The following TSC22D2 variants were observed in gnomAD, a reference collection of about 807,000 sequenced individuals.
TSC22D2 encodes TSC22 domain family protein 2.
Under a neutral mutation model 50.1 loss-of-function variants are expected in TSC22D2, and 5 were observed. The ratio of observed to expected loss-of-function variants is 0.10; its 90% CI spans 0.05 to 0.21. The LOEUF (loss-of-function observed/expected upper bound fraction) is 0.21, where lower values mean the gene tolerates loss of function less well. Among genes scored for constraint, TSC22D2 ranks in the 10% least tolerant of loss-of-function variants. TSC22D2 has a pLI of 1.00. For synonymous variants in TSC22D2, 501 were observed against 450.1 expected, an observed-to-expected ratio of 1.11 and a Z score of -1.43; for missense variants, 1,003 against 1,015.5, an observed-to-expected ratio of 0.99 and a Z score of 0.17.
At chr3:150,442,788 T>C (rs781063402) in intron 1 of TSC22D2, among the ~76,000 whole-genome samples, 30 of 152,086 alleles carry the variant, frequency 2.0e-4, no homozygotes, top group Non-Finnish European at 4.0e-4. Context: ...ACCCTGTCTC[T>C]ACCTGCAAAA....
At chr3:150,426,776 A>G (rs912756684) in intron 1 of TSC22D2, among the ~76,000 whole-genome samples, 4 of 152,192 alleles carry the variant, frequency 2.6e-5, no homozygotes, top group Non-Finnish European at 5.9e-5. Flanking sequence ...ATGGGTTATT[A>G]ACTTAAAATG....
At position 150,409,190 on chromosome 3, in the gene TSC22D2, C is replaced by T. The variant is rs1442597691; in HGVS notation, c.-161C>T. On this transcript the variant is annotated 5_prime_UTR_variant, in exon 1 of 3. Coordinates refer to ENST00000688009, the MANE Select transcript of TSC22D2 (RefSeq NM_001303264.2). The surrounding 1 kb of genome is among the most constrained non-coding windows in gnomAD (Gnocchi z 7.4). ...ACGAGGAGGAGGATGTCTCACCGGG[C>T]GGCCAGCGCCTGGATCAGCCCGTGA... 3.0e-6 allele frequency: 2 copies of T among 661,286 alleles called. No homozygotes were observed. The highest frequency in any genetic ancestry group is 2.4e-6 in the Non-Finnish European group (1 of 412,192). 41.0% of individuals were successfully genotyped at this position (661,286 alleles called of 1,614,324 possible). A position where few individuals can be genotyped will look rare whatever the true frequency, so the allele number is the denominator to read the frequency against.
rs1293338225 is a variant in TSC22D2, at chr3:150,410,322, G to C, written c.972G>C (p.Leu324=). The change falls in exon 1 of 3, where the codon CTG becomes CTC. Residue 324 remains leucine, a synonymous_variant. Coordinates refer to ENST00000688009, the MANE Select transcript of TSC22D2 (RefSeq NM_001303264.2). ...PQGAGPGGQT[L]PPTNVTLAQP... ...GAGCGGGGCCCGGGGGACAGACTCT[G>C]CCGCCGACGAATGTAACCCTGGCGC... 12 of 1,577,888 alleles carry C rather than the reference G, an allele frequency of 7.6e-6. No individual in the cohort carries two copies. The highest frequency in any genetic ancestry group is 1.0e-5 in the Non-Finnish European group (12 of 1,161,064).
chr3:150,446,911 T>G (rs1316151204), intron 1 of TSC22D2, among the ~76,000 whole-genome samples: 1 of 152,216 alleles, frequency 6.6e-6, no homozygotes, highest in Non-Finnish European at 1.5e-5. Context: ...TTTTACTTTG[T>G]CAAATATATT....
In TSC22D2 at chr3:150,465,290, C is replaced by G. The variant is rs1433523204; in HGVS notation, c.*6654C>G. The G allele has an allele frequency of 6.6e-6, 1 of 152,052 alleles. No individual in the cohort carries two copies. Among genetic ancestry groups the G allele is most frequent in the African/African-American group, 2.4e-5 (1 of 41,402 alleles). 9.4% of individuals were successfully genotyped at this position (152,052 alleles called of 1,614,324 possible). ...CTGTCCATTTGAAAATGCACATAAG[C>G]AAAGAACTTTACAAATAGGTTATAA... is the stretch of plus-strand genomic sequence containing the variant. On this transcript the variant is annotated 3_prime_UTR_variant, in exon 3 of 3. Coordinates refer to ENST00000688009, the MANE Select transcript of TSC22D2 (RefSeq NM_001303264.2).
intron 1 of TSC22D2, among the ~76,000 whole-genome samples, chr3:150,454,751 A>G (rs1283865863): frequency 6.6e-5 from 10 of 152,212 alleles, no homozygotes; most frequent in Admixed American, 6.5e-4. Flanking sequence ...GATTTATTCT[A>G]TTAGAGTACA....
At chr3:150,422,823 A>G (rs1213926117) in intron 1 of TSC22D2, among the ~76,000 whole-genome samples, 1 of 152,128 alleles carries the variant, frequency 6.6e-6, no homozygotes, top group Non-Finnish European at 1.5e-5. Flanking sequence ...TTACCTCTTT[A>G]TTTTATAACT....
chr3:150,454,967 C>CAA (rs145632830), intron 1 of TSC22D2, among the ~76,000 whole-genome samples: 8 of 150,192 alleles, frequency 5.3e-5, no homozygotes, highest in African/African-American at 7.3e-5. Context: ...TTTTAATTAT[C>CAA]AAAAAAAAAC....
At chr3:150,432,221 C>G (rs528468160) in intron 1 of TSC22D2, among the ~76,000 whole-genome samples, 1 of 152,220 alleles carries the variant, frequency 6.6e-6, no homozygotes, top group African/African-American at 2.4e-5. Flanking sequence ...GCTCACCCAC[C>G]ATTATATATG....
At chr3:150,441,453 G>A (rs1209729324) in intron 1 of TSC22D2, among the ~76,000 whole-genome samples, 1 of 152,034 alleles carries the variant, frequency 6.6e-6, no homozygotes, top group Non-Finnish European at 1.5e-5. Flanking sequence ...TTTCCCTTCT[G>A]TCTGCTCTTT....
intron 1 of TSC22D2, among the ~76,000 whole-genome samples, chr3:150,421,206 ATTC>A (rs1719995545): frequency 6.6e-6 from 1 of 152,218 alleles, no homozygotes; most frequent in African/African-American, 2.4e-5. Context: ...ACTCTTTCTT[ATTC>A]TTTTGTATAT....
intron 1 of TSC22D2, among the ~76,000 whole-genome samples, chr3:150,432,292 T>C (rs1720404186): frequency 6.6e-6 from 1 of 152,178 alleles, no homozygotes; most frequent in Non-Finnish European, 1.5e-5. Flanking sequence ...ATTTAATAAA[T>C]TTCTAAACCT....
chr3:150,443,487 C>T (rs1006696847), intron 1 of TSC22D2, among the ~76,000 whole-genome samples: 10 of 152,146 alleles, frequency 6.6e-5, no homozygotes, highest in Non-Finnish European at 1.5e-4. Context: ...ATCACAAGGA[C>T]GTTTCTCTAC....
chr3:150,410,797 C>T lies in TSC22D2; in HGVS notation c.1447C>T (p.Pro483Ser), dbSNP rs1719521188. ...GGCTGGGCAGCCCCAGTCCGTGCCTCCGCCGCAGATGGGTGGCAGTGGTCC... is the reference window on the plus strand; with the variant it reads ...GGCTGGGCAGCCCCAGTCCGTGCCTTCGCCGCAGATGGGTGGCAGTGGTCC... ...AGAGQPQSVP[P>S]PQMGGSGPLS... The change falls in exon 1 of 3, where the codon CCG becomes TCG. Residue 483 changes from proline to serine, a missense_variant. Physicochemically the swap from Pro to Ser is moderately conservative, Grantham distance 74 (BLOSUM62 -1). Coordinates refer to ENST00000688009, the MANE Select transcript of TSC22D2 (RefSeq NM_001303264.2). 6.2e-7 allele frequency: 1 copy of T among 1,612,862 alleles called. No homozygotes were observed. The highest frequency in any genetic ancestry group is 8.5e-7 in the Non-Finnish European group (1 of 1,179,816).
rs1481776035 is a variant in TSC22D2, at chr3:150,465,460, A to C, written c.*6824A>C. The C allele has an allele frequency of 6.6e-6, 1 of 152,208 alleles. No individual in the cohort carries two copies. Among genetic ancestry groups the C allele is most frequent in the African/African-American group, 2.4e-5 (1 of 41,462 alleles). 9.4% of individuals were successfully genotyped at this position (152,208 alleles called of 1,614,324 possible). A position where few individuals can be genotyped will look rare whatever the true frequency, so the allele number is the denominator to read the frequency against. On this transcript the variant is annotated 3_prime_UTR_variant, in exon 3 of 3. Coordinates refer to ENST00000688009, the MANE Select transcript of TSC22D2 (RefSeq NM_001303264.2). ...AGGAATACATTGCTAGTGAGCATAC[A>C]AATTGGCACAGCCTCTTTTAAAGAC... is the stretch of plus-strand genomic sequence containing the variant.
chr3:150,424,268 G>T (rs1244946274), intron 1 of TSC22D2, among the ~76,000 whole-genome samples: 1 of 152,134 alleles, frequency 6.6e-6, no homozygotes, highest in Non-Finnish European at 1.5e-5. Context: ...TGTGAGATGA[G>T]ATAAACATGA....
chr3:150,456,387 C>G (rs1721192223), intron 1 of TSC22D2, among the ~76,000 whole-genome samples: 1 of 151,770 alleles, frequency 6.6e-6, no homozygotes, highest in Non-Finnish European at 1.5e-5. Context: ...GGGTTTTCAC[C>G]ACGTTGGCCA....
chr3:150,449,448 A>T lies in TSC22D2; in HGVS notation c.1959-7628A>T, dbSNP rs956946300. Among the ~76,000 whole-genome samples, 3 of 152,190 alleles carry T rather than the reference A, an allele frequency of 2.0e-5. No homozygotes were observed. The East Asian group carries it at 5.8e-4, about 29-fold the overall frequency. On this transcript the variant is annotated intron_variant, in intron 1 of 2. Coordinates refer to ENST00000688009, the MANE Select transcript of TSC22D2 (RefSeq NM_001303264.2). ...TGTGTATATCCTTCTTTATGTGTAT[A>T]TAAGCAAATCAATGTATATTATCTT...
chr3:150,434,490 A>G (rs928518598), intron 1 of TSC22D2, among the ~76,000 whole-genome samples: 2 of 152,086 alleles, frequency 1.3e-5, no homozygotes, highest in African/African-American at 4.8e-5. Context: ...CTTATTATAC[A>G]TATATTTGAG....
Sources: gnomAD v4.1 joint callset for allele counts (sites outside exome capture counted in the v4.1 genomes callset) on GRCh38, gnomAD v4.1.1 for gene constraint, Gnocchi (gnomAD v3.1) non-coding constraint, MANE v1.5 for transcripts, NCBI Gene and HGNC (gene_info 2026-07-23, HGNC 2026-07-21) for gene names.